Variants in CACNA2D3 observed in about 807,000 individuals in gnomAD.
The protein encoded by CACNA2D3 is calcium voltage-gated channel auxiliary subunit alpha2delta 3.
Under a neutral mutation model 160.6 loss-of-function variants are expected in CACNA2D3, and 60 were observed. The ratio of observed to expected loss-of-function variants is 0.37; its 90% CI spans 0.30 to 0.46. The LOEUF (loss-of-function observed/expected upper bound fraction) is 0.46, where lower values mean the gene tolerates loss of function less well. Among genes scored for constraint, CACNA2D3 ranks in the 20% least tolerant of loss-of-function variants. CACNA2D3 has a pLI of 1.00. For synonymous variants in CACNA2D3, 558 were observed against 492.9 expected (o/e 1.13, Z -1.75); for missense variants, 1,205 against 1,365.0 (o/e 0.88, Z 1.85).
intron 5 of CACNA2D3, among the ~76,000 whole-genome samples, chr3:54,538,949 G>A (rs760025205): frequency 6.6e-6 from 1 of 152,174 alleles, no homozygotes; most frequent in Non-Finnish European, 1.5e-5. Context: ...GACTTTTCTC[G>A]TGGCTCTGCT....
At chr3:54,165,432 A>G (rs991279752) in intron 2 of CACNA2D3, among the ~76,000 whole-genome samples, 8 of 152,218 alleles carry the variant, frequency 5.3e-5, no homozygotes, top group Non-Finnish European at 4.4e-5. Context: ...GATCAGTTCA[A>G]CAGGGCCCTC....
chr3:54,201,367 G>A (rs537669128), intron 2 of CACNA2D3, among the ~76,000 whole-genome samples: 1 of 152,272 alleles, frequency 6.6e-6, no homozygotes, highest in South Asian at 2.1e-4. Context: ...GGAAAGCTTG[G>A]CTTATTTGAA....
intron 2 of CACNA2D3, among the ~76,000 whole-genome samples, chr3:54,246,968 A>G (rs1399911032): frequency 6.6e-6 from 1 of 152,168 alleles, no homozygotes; most frequent in Non-Finnish European, 1.5e-5. Flanking sequence ...GAGCAGACTA[A>G]CATCTCTACA....
At chr3:54,773,005 A>T (rs1702347530) in intron 13 of CACNA2D3, among the ~76,000 whole-genome samples, 1 of 152,200 alleles carries the variant, frequency 6.6e-6, no homozygotes, top group Non-Finnish European at 1.5e-5. Flanking sequence ...GAATGTGACC[A>T]TTTAAAATAA....
intron 11 of CACNA2D3, among the ~76,000 whole-genome samples, chr3:54,667,829 C>CCCAGCTA (rs2106892488): frequency 6.6e-6 from 1 of 151,956 alleles, no homozygotes; most frequent in East Asian, 1.9e-4. Context: ...TGCCTGTTCT[C>CCCAGCTA]CCAGCTACTT....
chr3:54,544,804 A>G (rs1702035386), intron 5 of CACNA2D3, among the ~76,000 whole-genome samples: 1 of 152,226 alleles, frequency 6.6e-6, no homozygotes, highest in Non-Finnish European at 1.5e-5. Flanking sequence ...TTCTTAAAAA[A>G]AATTTATTAT....
intron 3 of CACNA2D3, among the ~76,000 whole-genome samples, chr3:54,371,724 T>C (rs1425480886): frequency 2.6e-5 from 4 of 152,176 alleles, no homozygotes; most frequent in African/African-American, 9.6e-5. Flanking sequence ...TCAGAAAACT[T>C]TGTGGTCATC....
chr3:55,029,717 C>T (rs998540343), intron 35 of CACNA2D3, among the ~76,000 whole-genome samples: 1 of 152,156 alleles, frequency 6.6e-6, no homozygotes, highest in African/African-American at 2.4e-5. Context: ...CCAGATCCTT[C>T]ATTACACAAA....
chr3:54,839,565 G>T (rs772457714), intron 16 of CACNA2D3, among the ~76,000 whole-genome samples: 4 of 152,176 alleles, frequency 2.6e-5, no homozygotes, highest in Non-Finnish European at 5.9e-5. Context: ...TGACTGGCTA[G>T]CTGGTCTCCA....
intron 11 of CACNA2D3, among the ~76,000 whole-genome samples, chr3:54,694,221 T>C (rs1285901325): frequency 6.6e-6 from 1 of 152,212 alleles, no homozygotes; most frequent in Non-Finnish European, 1.5e-5. Flanking sequence ...TACTTACCAT[T>C]GTGTTACAGT....
rs116823854 is a variant in CACNA2D3 at position 54,250,340 on chromosome 3, A to C, written c.205-70102A>C. ...TGATTATGTGAGGTAATGTCTGTTA[A>C]ATGGCTTGATTTAGCCATTCTAATT... is the stretch of plus-strand genomic sequence containing the variant. On this transcript the variant is annotated intron_variant, in intron 2 of 37. Coordinates refer to ENST00000474759, the MANE Select transcript of CACNA2D3 (RefSeq NM_018398.3). Among the ~76,000 whole-genome samples the C allele has an allele frequency of 4.8e-3, 734 of 152,300 alleles. 5 individuals are homozygous for C. Among genetic ancestry groups the C allele is most frequent in the African/African-American group, 0.017 (688 of 41,574 alleles).
rs114174431 is a variant in CACNA2D3, at chr3:54,429,745, G to A, written c.381+42971G>A. Among the ~76,000 whole-genome samples, 825 of 152,240 alleles carry A rather than the reference G, an allele frequency of 5.4e-3. 9 individuals carry two copies. Among genetic ancestry groups the A allele is most frequent in the African/African-American group, 0.018 (728 of 41,530 alleles). On this transcript the variant is annotated intron_variant, in intron 4 of 37. Coordinates refer to ENST00000474759, the MANE Select transcript of CACNA2D3 (RefSeq NM_018398.3). ...AAGCCCCCTAAAATGTGAAGTACTT[G>A]TCTTTTGCCACAGATTTTTCTCGGA...
At chr3:54,793,383 T>G (rs1262000410) in intron 13 of CACNA2D3, among the ~76,000 whole-genome samples, 1 of 152,182 alleles carries the variant, frequency 6.6e-6, no homozygotes, top group South Asian at 2.1e-4. Flanking sequence ...TCAACCAACT[T>G]CTGTCTAAAT....
At chr3:54,490,917 C>T (rs1421222513) in intron 4 of CACNA2D3, among the ~76,000 whole-genome samples, 3 of 152,144 alleles carry the variant, frequency 2.0e-5, no homozygotes, top group Non-Finnish European at 4.4e-5. Context: ...TACTTCTCTT[C>T]CCTGTGCTGG....
intron 9 of CACNA2D3, 111 bp from the exon 10 acceptor site, chr3:54,627,676 G>A (rs1415699441): frequency 5.6e-6 from 4 of 713,514 alleles, no homozygotes; most frequent in Non-Finnish European, 2.6e-6. Flanking sequence ...AATTATGACC[G>A]GTTGGATCTG....
At chr3:54,205,763 G>A (rs1226212789) in intron 2 of CACNA2D3, among the ~76,000 whole-genome samples, 1 of 152,198 alleles carries the variant, frequency 6.6e-6, no homozygotes, top group Non-Finnish European at 1.5e-5. Context: ...AGTCGGGGAG[G>A]AAGGCACAGA....
At chr3:54,693,029 A>G (rs1700597122) in intron 11 of CACNA2D3, among the ~76,000 whole-genome samples, 1 of 151,900 alleles carries the variant, frequency 6.6e-6, no homozygotes, top group Admixed American at 6.5e-5. Context: ...TGTAAAAAAA[A>G]AACCACCACC....
At chr3:54,449,387 T>G (rs1193256818) in intron 4 of CACNA2D3, among the ~76,000 whole-genome samples, 1 of 152,258 alleles carries the variant, frequency 6.6e-6, no homozygotes, top group Non-Finnish European at 1.5e-5. Context: ...TGTGTTCACT[T>G]CATGTTTACA....
chr3:54,634,312 T>C (rs895916550), intron 10 of CACNA2D3: 1 of 152,188 alleles, frequency 6.6e-6, no homozygotes, highest in African/African-American at 2.4e-5. Flanking sequence ...ATCTCTCAGG[T>C]ATAACTCAAA....
Sources: allele counts gnomAD v4.1 joint callset (sites outside exome capture counted in the v4.1 genomes callset), GRCh38; gene constraint gnomAD v4.1.1; transcripts MANE v1.5; gene names NCBI Gene and HGNC (gene_info 2026-07-23, HGNC 2026-07-21).